SND1: variants seen among roughly 807,000 people sequenced by gnomAD.
SND1 encodes the protein staphylococcal nuclease and tudor domain containing 1.
SND1 carries 38 observed loss-of-function variants against 121.7 expected under a neutral mutation model. That is an observed-to-expected ratio of 0.31 (90% CI 0.24 to 0.41). The LOEUF (loss-of-function observed/expected upper bound fraction) is 0.41, where lower values mean the gene tolerates loss of function less well. Among genes scored for constraint, SND1 ranks in the 10% least tolerant of loss-of-function variants. SND1 has a pLI of 1.00. For missense variants in SND1, 868 were observed against 1,184.6 expected, an observed-to-expected ratio of 0.73 and a Z score of 3.92; for synonymous variants, 401 against 447.4, an observed-to-expected ratio of 0.90 and a Z score of 1.31.
At chr7:127,865,470 T>C (rs1799451682) in intron 12 of SND1, among the ~76,000 whole-genome samples, 1 of 152,246 alleles carries the variant, frequency 6.6e-6, no homozygotes, top group Non-Finnish European at 1.5e-5. Context: ...ACTGGATGTG[T>C]TCTTTGTAAG....
At chr7:128,032,060 C>G (rs1792632356) in intron 16 of SND1, 1 of 151,916 alleles carries the variant, frequency 6.6e-6, no homozygotes, top group East Asian at 1.9e-4. Context: ...GCGGCAGCCA[C>G]GCAGACTGCT....
At chr7:127,822,558 A>T (rs374446630) in intron 11 of SND1, among the ~76,000 whole-genome samples, 1 of 152,048 alleles carries the variant, frequency 6.6e-6, no homozygotes, top group Non-Finnish European at 1.5e-5. Flanking sequence ...TCATTTTTTC[A>T]ATCATAAAAG....
At chr7:127,797,949 C>T (rs1351863788) in intron 10 of SND1, among the ~76,000 whole-genome samples, 1 of 152,140 alleles carries the variant, frequency 6.6e-6, no homozygotes. Context: ...GTCCTCTTCC[C>T]TCTCTCATCC....
intron 16 of SND1, among the ~76,000 whole-genome samples, chr7:128,060,557 T>C (rs1404457853): frequency 6.6e-6 from 1 of 152,246 alleles, no homozygotes; most frequent in Non-Finnish European, 1.5e-5. Flanking sequence ...TCCCTGCTCC[T>C]TAACTTCCCA....
intron 14 of SND1, among the ~76,000 whole-genome samples, chr7:127,917,413 T>G (rs1053124889): frequency 1.3e-5 from 2 of 152,226 alleles, no homozygotes; most frequent in African/African-American, 4.8e-5. Flanking sequence ...TGAGCCTGAC[T>G]GTTGGGCTTT....
At chr7:127,994,964 T>C (rs1033761100) in intron 16 of SND1, among the ~76,000 whole-genome samples, 5 of 152,110 alleles carry the variant, frequency 3.3e-5, no homozygotes, top group African/African-American at 1.2e-4. Flanking sequence ...CCTTGTGATC[T>C]GCCTACCTCA....
intron 13 of SND1, among the ~76,000 whole-genome samples, chr7:127,888,858 G>C (rs908561430): frequency 3.9e-5 from 6 of 152,106 alleles, no homozygotes; most frequent in African/African-American, 1.2e-4. Flanking sequence ...TTTGGTAATT[G>C]TCAGGTTATT....
chr7:127,739,498 G>A (rs1357323963), intron 10 of SND1, among the ~76,000 whole-genome samples: 1 of 152,062 alleles, frequency 6.6e-6, no homozygotes, highest in East Asian at 1.9e-4. Flanking sequence ...CCCTCCCCTG[G>A]CCTGCATCCT....
intron 9 of SND1, among the ~76,000 whole-genome samples, chr7:127,713,060 T>C (rs773370688): frequency 5.9e-5 from 9 of 152,276 alleles, no homozygotes; most frequent in Non-Finnish European, 1.0e-4. Flanking sequence ...TTCTAATATG[T>C]TGTAAAACAG....
chr7:127,716,704 T>C (rs574097971), intron 9 of SND1, among the ~76,000 whole-genome samples: 26 of 152,346 alleles, frequency 1.7e-4, no homozygotes, highest in Non-Finnish European at 3.1e-4. Context: ...GCTGAACTTC[T>C]TTGGCTAAGA....
intron 13 of SND1, among the ~76,000 whole-genome samples, chr7:127,895,981 T>G (rs1800111378): frequency 6.6e-6 from 1 of 152,100 alleles, no homozygotes; most frequent in Admixed American, 6.6e-5. Context: ...GCCCTTTAGC[T>G]TTATCTCCTG....
chr7:127,750,978 A>C (rs1010431114), intron 10 of SND1, among the ~76,000 whole-genome samples: 4 of 152,186 alleles, frequency 2.6e-5, no homozygotes, highest in Admixed American at 6.5e-5. Context: ...GGATGCATGT[A>C]ATGATAACCT....
At chr7:128,007,132 AG>A (rs143446900) in intron 16 of SND1, among the ~76,000 whole-genome samples, 204 of 152,320 alleles carry the variant, frequency 1.3e-3, no homozygotes, top group African/African-American at 4.7e-3. Flanking sequence ...TTACATGTGA[AG>A]CTGCCAGCAG....
chr7:128,028,846 G>A lies in SND1; in HGVS notation c.1779+37790G>A, dbSNP rs1460748052. ...TAGTTAATATGGTCATGAATTGTGG[G>A]CAGCACTACTGCCCCCTCACCTGAT... On this transcript the variant is annotated intron_variant, in intron 16 of 23. Coordinates refer to ENST00000354725, the MANE Select transcript of SND1 (RefSeq NM_014390.4). 1 of 1,614,056 alleles carries A rather than the reference G, an allele frequency of 6.2e-7. No homozygotes were observed. The highest frequency in any genetic ancestry group is 1.7e-5 in the Admixed American group (1 of 60,006).
chr7:128,058,428 C>A (rs1793177477), intron 16 of SND1, among the ~76,000 whole-genome samples: 1 of 152,212 alleles, frequency 6.6e-6, no homozygotes, highest in Non-Finnish European at 1.5e-5. Flanking sequence ...CCCTCCAGGT[C>A]CCTGAATGGC....
chr7:127,666,621 G>T (rs988779184), intron 1 of SND1, among the ~76,000 whole-genome samples: 1 of 152,076 alleles, frequency 6.6e-6, no homozygotes, highest in Non-Finnish European at 1.5e-5. Flanking sequence ...GACAATCACA[G>T]AGCTGCGCTT....
At position 127,813,195 on chromosome 7, in the gene SND1, T is replaced by TA. The variant is rs781152755; in HGVS notation, c.1242+5622_1242+5623insA. 2.0e-5 allele frequency among the ~76,000 whole-genome samples: 3 copies of TA among 152,228 alleles called. No homozygotes were observed. In the East Asian group the frequency reaches 5.8e-4, roughly 29 times the overall value. Reference sequence around the variant, plus strand: ...GACCATGCATTTTTCTAGGAAGAGTTCTCCCACTTGGAAGTGGTAGTAATG... The same window carrying TA: ...GACCATGCATTTTTCTAGGAAGAGTTACTCCCACTTGGAAGTGGTAGTAATG... On this transcript the variant is annotated intron_variant, in intron 11 of 23. Transcript: ENST00000354725.
intron 1 of SND1, among the ~76,000 whole-genome samples, chr7:127,665,331 C>T (rs1382532602): frequency 4.0e-5 from 6 of 151,882 alleles, no homozygotes; most frequent in African/African-American, 4.8e-5. Flanking sequence ...GGACTACAGG[C>T]GCCCGCCACC....
intron 10 of SND1, among the ~76,000 whole-genome samples, chr7:127,807,064 G>C (rs1001499805): frequency 1.3e-5 from 2 of 152,316 alleles, no homozygotes; most frequent in Non-Finnish European, 2.9e-5. Context: ...GATTATATAT[G>C]TATTTACAGA....
Sources: allele counts gnomAD v4.1 joint callset (sites outside exome capture counted in the v4.1 genomes callset), GRCh38; gene constraint gnomAD v4.1.1; transcripts MANE v1.5; gene names NCBI Gene and HGNC (gene_info 2026-07-23, HGNC 2026-07-21).